The following KANSL1 variants were observed in gnomAD, a reference collection of about 807,000 sequenced individuals.
KANSL1 encodes the protein MLL1/MLL complex subunit KANSL1.
Under a neutral mutation model 103.6 loss-of-function variants are expected in KANSL1, and 22 were observed. That is an observed-to-expected ratio of 0.21 (90% CI 0.15 to 0.30). The LOEUF (loss-of-function observed/expected upper bound fraction) is 0.30. Among genes scored for constraint, KANSL1 ranks in the 10% least tolerant of loss-of-function variants. KANSL1 has a pLI of 1.00. For missense variants in KANSL1, 1,337 were observed against 1,399.8 expected (o/e 0.96, Z 0.72); for synonymous variants, 600 against 527.6 (o/e 1.14, Z -1.88).
intron 2 of KANSL1, among the ~76,000 whole-genome samples, chr17:46,120,260 C>T (rs1002417340): frequency 1.1e-4 from 16 of 152,134 alleles, no homozygotes; most frequent in African/African-American, 3.6e-4. Flanking sequence ...AATCTGAATG[C>T]CAAAGTGAGT....
intron 4 of KANSL1, among the ~76,000 whole-genome samples, chr17:46,075,791 C>T (rs548050517): frequency 8.5e-5 from 13 of 152,318 alleles, no homozygotes; most frequent in African/African-American, 3.1e-4. Context: ...ATATCCAACA[C>T]TCCATCACAG....
intron 2 of KANSL1, among the ~76,000 whole-genome samples, chr17:46,096,311 C>CTTTTTTTTTTTTGTTTTTTTTTTT (rs2042070747): frequency 1.3e-5 from 1 of 76,408 alleles, no homozygotes; most frequent in Non-Finnish European, 2.5e-5. Context: ...GCTTTTTTTT[C>CTTTTTTTTTTTTGTTTTTTTTTTT]TTTTTTTTTT....
chr17:46,062,694 G>A (rs1319388808), intron 6 of KANSL1, among the ~76,000 whole-genome samples: 4 of 151,702 alleles, frequency 2.6e-5, no homozygotes, highest in Admixed American at 2.0e-4. Context: ...TGCACTAAAC[G>A]TGCATCTCAA....
intron 1 of KANSL1, among the ~76,000 whole-genome samples, chr17:46,213,546 G>T (rs1190956799): frequency 6.7e-6 from 1 of 148,610 alleles, no homozygotes; most frequent in East Asian, 2.1e-4. Flanking sequence ...CTGACCTCAT[G>T]ATGGGCCCGC....
chr17:46,170,662 A>C (rs1204962203), intron 2 of KANSL1, 193 bp downstream of exon 2: 1 of 641,230 alleles, frequency 1.6e-6, no homozygotes, highest in African/African-American at 1.9e-5. Flanking sequence ...CAACAATACA[A>C]CCCTACAGCA....
In KANSL1 at chr17:46,171,959, T is replaced by G. The variant is rs763576560; in HGVS notation, c.185A>C (p.Asp62Ala). Reference sequence around the variant, plus strand: ...TTCCTTGGTAGGATTATTTCGGAAATCTAGGCTGGGATCCTCTGCAGCAAT... The same window carrying G: ...TTCCTTGGTAGGATTATTTCGGAAAGCTAGGCTGGGATCCTCTGCAGCAAT... ...KAIAAEDPSL[D>A]FRNNPTKEDL... Residue 62 changes from aspartate to alanine, a missense_variant, in exon 2 of 15, where the codon GAT becomes GCT. Coordinates refer to ENST00000432791, the MANE Select transcript of KANSL1 (RefSeq NM_015443.4). 1 of 1,614,264 alleles carries G rather than the reference T, an allele frequency of 6.2e-7. No homozygotes were observed. The highest frequency in any genetic ancestry group is 2.2e-5 in the East Asian group (1 of 44,882).
intron 3 of KANSL1, among the ~76,000 whole-genome samples, chr17:46,091,597 AT>A (rs1034206198): frequency 9.2e-5 from 14 of 152,138 alleles, no homozygotes; most frequent in African/African-American, 3.1e-4. Flanking sequence ...CAGGTGTACC[AT>A]TTTTATCTTT....
intron 7 of KANSL1, among the ~76,000 whole-genome samples, chr17:46,046,528 CAAAAAAAAAA>C (rs58711350): frequency 6.9e-4 from 23 of 33,176 alleles, no homozygotes; most frequent in South Asian, 2.6e-3. Context: ...GAGACTCTGT[CAAAAAAAAAA>C]AAAAAAAAAA....
intron 6 of KANSL1, among the ~76,000 whole-genome samples, chr17:46,058,763 T>A (rs62060771): frequency 2.0e-3 from 222 of 108,928 alleles, no homozygotes; most frequent in East Asian, 6.2e-3. Context: ...TCTCTCTCTC[T>A]CTCTCTCTCT....
intron 2 of KANSL1, among the ~76,000 whole-genome samples, chr17:46,165,833 C>T (rs2045968162): frequency 6.6e-6 from 1 of 152,082 alleles, no homozygotes; most frequent in Non-Finnish European, 1.5e-5. Flanking sequence ...ATAGAACATT[C>T]CAAAGTATCT....
intron 1 of KANSL1, among the ~76,000 whole-genome samples, chr17:46,203,569 A>G (rs2047872387): frequency 6.6e-6 from 1 of 152,224 alleles, no homozygotes; most frequent in Non-Finnish European, 1.5e-5. Context: ...AGTCAAGAAA[A>G]ATCCTTTCTA....
intron 4 of KANSL1, among the ~76,000 whole-genome samples, chr17:46,078,039 ACT>A (rs1187448424): frequency 4.0e-5 from 6 of 151,692 alleles, no homozygotes; most frequent in African/African-American, 1.5e-4. Flanking sequence ...CATTATAGAG[ACT>A]CTGAATTTAG....
rs2147936145 is a variant in KANSL1 at position 46,193,202 on chromosome 17, C to T, written c.-469G>A. On this transcript the variant is annotated 5_prime_UTR_variant, in exon 1 of 15. Transcript: ENST00000432791. ...GCCCCGCACAAACAAGCACCGCCGT[C>T]TGCAGCCCGAACCCGCACCCAGGCC... 6.6e-6 allele frequency: 1 copy of T among 152,138 alleles called. No homozygotes were observed. The highest frequency in any genetic ancestry group is 2.0e-4 in the East Asian group (1 of 5,058). The allele number at this position is 152,138 out of a possible 1,614,324, so 9.4% of individuals were successfully genotyped here. A position where few individuals can be genotyped will look rare whatever the true frequency, so the allele number is the denominator to read the frequency against.
chr17:46,210,472 C>CAAA (rs1185499581), intron 1 of KANSL1, among the ~76,000 whole-genome samples: 1 of 2,570 alleles, frequency 3.9e-4, no homozygotes, highest in Non-Finnish European at 7.7e-4. Context: ...GACTCTGTCT[C>CAAA]AAAAAAAAAA....
chr17:46,175,889 T>G (rs186678266), intron 1 of KANSL1, among the ~76,000 whole-genome samples: 8 of 152,380 alleles, frequency 5.3e-5, no homozygotes, highest in Admixed American at 5.2e-4. Context: ...TACTAATTCC[T>G]GTTATTAAAC....
chr17:46,210,557 C>T (rs1292927391), intron 1 of KANSL1, among the ~76,000 whole-genome samples: 1 of 150,804 alleles, frequency 6.6e-6, no homozygotes, highest in African/African-American at 2.5e-5. Context: ...ATAACTGAGA[C>T]ACAGAAAATT....
At chr17:46,055,532 G>C (rs2146535747) in intron 6 of KANSL1, among the ~76,000 whole-genome samples, 1 of 151,300 alleles carries the variant, frequency 6.6e-6, no homozygotes, top group South Asian at 2.1e-4. Context: ...CCTGGAATAA[G>C]TTTAACAAGA....
At chr17:46,122,078 G>T (rs1324513814) in intron 2 of KANSL1, among the ~76,000 whole-genome samples, 2 of 152,152 alleles carry the variant, frequency 1.3e-5, no homozygotes, top group Non-Finnish European at 2.9e-5. Context: ...ACCATAATTT[G>T]AACTATAGTA....
intron 2 of KANSL1, among the ~76,000 whole-genome samples, chr17:46,162,228 T>A (rs928341081): frequency 1.3e-5 from 2 of 152,222 alleles, no homozygotes; most frequent in African/African-American, 4.8e-5. Flanking sequence ...TGAAAGGGCA[T>A]GACCTTAGGC....
Sources: allele counts gnomAD v4.1 joint callset (sites outside exome capture counted in the v4.1 genomes callset), GRCh38; gene constraint gnomAD v4.1.1; transcripts MANE v1.5; gene names NCBI Gene and HGNC (gene_info 2026-07-23, HGNC 2026-07-21).